The following THSD7B variants were observed in gnomAD, a reference collection of about 807,000 sequenced individuals.
THSD7B encodes the protein thrombospondin type 1 domain containing 7B.
A neutral mutation model predicts 213.6 loss-of-function variants in THSD7B; 138 were observed. The observed-to-expected ratio is 0.65, with a 90% confidence interval of 0.56 to 0.74. The LOEUF (loss-of-function observed/expected upper bound fraction) is 0.74. Among genes scored for constraint, THSD7B ranks in the 30% least tolerant of loss-of-function variants. The pLI is 0.00. For synonymous variants in THSD7B, 742 were observed against 687.0 expected (o/e 1.08, Z -1.25); for missense variants, 1,931 against 1,991.5 (o/e 0.97, Z 0.58).
Position 137,233,076 on chromosome 2 carries a change from T to C in THSD7B, c.2093T>C (p.Ile698Thr). 1 of 1,613,878 alleles carries C rather than the reference T, an allele frequency of 6.2e-7. No homozygotes were observed. The highest frequency in any genetic ancestry group is 8.5e-7 in the Non-Finnish European group (1 of 1,179,820). ...GGAGAAGCCACGTGTGGTGTAGGCA[T>C]TCAGACTCGGAGAGTCTTCTGTGTC... ...WNGEATCGVG[I>T]QTRRVFCVKS... Residue 698 changes from isoleucine (I) to threonine (T), a missense_variant, in exon 9 of 28, where the codon ATT becomes ACT. Ile to Thr is a moderately conservative substitution (Grantham distance 89). Coordinates refer to ENST00000409968, the MANE Select transcript of THSD7B (RefSeq NM_001316349.2).
intron 14 of THSD7B, among the ~76,000 whole-genome samples, chr2:137,426,451 A>G (rs1342658769): frequency 6.6e-6 from 1 of 152,168 alleles, no homozygotes; most frequent in Non-Finnish European, 1.5e-5. Flanking sequence ...TATAGTCATC[A>G]TTAGCAGTAT....
intron 10 of THSD7B, among the ~76,000 whole-genome samples, chr2:137,264,314 G>A (rs978201618): frequency 2.7e-5 from 4 of 150,764 alleles, no homozygotes; most frequent in African/African-American, 4.9e-5. Context: ...GTGCAGTGGC[G>A]CAATTTCAGC....
At chr2:137,031,831 C>CTTTT (rs542117596) in intron 2 of THSD7B, among the ~76,000 whole-genome samples, 1 of 137,166 alleles carries the variant, frequency 7.3e-6, no homozygotes, top group African/African-American at 2.7e-5. Context: ...CTTTTCTTTC[C>CTTTT]TTTTTTTTTT....
chr2:137,228,371 G>A (rs1279948659), intron 7 of THSD7B, among the ~76,000 whole-genome samples: 1 of 152,074 alleles, frequency 6.6e-6, no homozygotes, highest in Non-Finnish European at 1.5e-5. Flanking sequence ...ATTTTAAAAA[G>A]TATTTGAGCA....
chr2:137,633,593 C>A (rs1392752114), intron 20 of THSD7B, among the ~76,000 whole-genome samples: 1 of 152,098 alleles, frequency 6.6e-6, no homozygotes, highest in Non-Finnish European at 1.5e-5. Flanking sequence ...CTACCTGTAT[C>A]ATTTCACAAA....
At chr2:136,800,633 A>G (rs1045454015) in intron 1 of THSD7B, among the ~76,000 whole-genome samples, 3 of 152,084 alleles carry the variant, frequency 2.0e-5, no homozygotes, top group African/African-American at 4.8e-5. Flanking sequence ...GTATTTAGAA[A>G]TAAAATGTTT....
At position 137,214,598 on chromosome 2, in the gene THSD7B, A is replaced by C. The variant is rs1354603289; in HGVS notation, c.1724-16446A>C. On this transcript the variant is annotated intron_variant, in intron 7 of 27. Coordinates refer to ENST00000409968, the MANE Select transcript of THSD7B (RefSeq NM_001316349.2). ...CCCTCCCCTAGCCCCCCACCCCCTG[A>C]CAGGCCCCGGTGTGTGATGTTCCCC... Among the ~76,000 whole-genome samples the C allele has an allele frequency of 2.1e-5, 3 of 145,136 alleles. No homozygotes were observed. In the East Asian group the frequency reaches 6.2e-4, roughly 30 times the overall value.
At chr2:136,837,756 C>T (rs1159407195) in intron 1 of THSD7B, among the ~76,000 whole-genome samples, 1 of 151,978 alleles carries the variant, frequency 6.6e-6, no homozygotes, top group African/African-American at 2.4e-5. Context: ...TCTTTTTTTC[C>T]TTGATATCCT....
At chr2:136,823,441 A>G (rs751433762) in intron 1 of THSD7B, among the ~76,000 whole-genome samples, 30 of 151,664 alleles carry the variant, frequency 2.0e-4, no homozygotes, top group Non-Finnish European at 3.5e-4. Context: ...CGCAAGACGG[A>G]CTCCTTAACA....
intron 7 of THSD7B, among the ~76,000 whole-genome samples, chr2:137,174,047 G>A (rs1048860411): frequency 2.0e-5 from 3 of 152,138 alleles, no homozygotes; most frequent in African/African-American, 7.2e-5. Flanking sequence ...GAATTTAACA[G>A]ATGAGACCAA....
chr2:136,926,356 A>T (rs918685812), intron 2 of THSD7B, among the ~76,000 whole-genome samples: 2 of 151,754 alleles, frequency 1.3e-5, no homozygotes, highest in Admixed American at 6.6e-5. Context: ...AAGTTTACCT[A>T]TGTAACAAAC....
At chr2:137,151,382 G>C (rs1312392088) in intron 5 of THSD7B, among the ~76,000 whole-genome samples, 2 of 151,520 alleles carry the variant, frequency 1.3e-5, no homozygotes, top group African/African-American at 4.9e-5. Context: ...CATTACCCTA[G>C]GCCTACGTAG....
intron 3 of THSD7B, among the ~76,000 whole-genome samples, chr2:137,092,588 G>A (rs536467888): frequency 1.5e-4 from 23 of 151,924 alleles, no homozygotes; most frequent in Middle Eastern, 3.4e-3. Context: ...ATAAATGATC[G>A]CTCCCCCATT....
At chr2:137,542,165 C>T (rs1282616585) in intron 15 of THSD7B, among the ~76,000 whole-genome samples, 4 of 151,448 alleles carry the variant, frequency 2.6e-5, no homozygotes, top group Non-Finnish European at 5.9e-5. Context: ...TAATAAAAAC[C>T]GTCAAAGCCA....
chr2:136,789,850 A>T (rs1472604781), intron 1 of THSD7B, among the ~76,000 whole-genome samples: 1 of 152,128 alleles, frequency 6.6e-6, no homozygotes, highest in Non-Finnish European at 1.5e-5. Flanking sequence ...CTCTTTGTGG[A>T]GGGGCTAGTT....
intron 17 of THSD7B, among the ~76,000 whole-genome samples, chr2:137,598,512 G>A (rs200750303): frequency 0.012 from 1,867 of 152,204 alleles, 51 homozygotes; most frequent in African/African-American, 0.041. Flanking sequence ...ACACTGGCTT[G>A]TACAGTAAGT....
chr2:137,590,806 T>TTTTTTTTTTTTTTTTTTTG (rs1681849234), intron 17 of THSD7B, among the ~76,000 whole-genome samples: 1 of 147,104 alleles, frequency 6.8e-6, no homozygotes, highest in South Asian at 2.2e-4. Context: ...TTTTTTTTTT[T>TTTTTTTTTTTTTTTTTTTG]TTTTTTTAGC....
intron 1 of THSD7B, among the ~76,000 whole-genome samples, chr2:136,839,289 G>A (rs1464761799): frequency 6.6e-6 from 1 of 152,132 alleles, no homozygotes; most frequent in Non-Finnish European, 1.5e-5. Flanking sequence ...TCTAACTCAT[G>A]TTTCTCCCTT....
chr2:137,167,855 A>G (rs1680167894), intron 6 of THSD7B, among the ~76,000 whole-genome samples: 1 of 152,190 alleles, frequency 6.6e-6, no homozygotes, highest in South Asian at 2.1e-4. Flanking sequence ...ACCTTCAACT[A>G]AACCACGGTG....
Sources: allele counts gnomAD v4.1 joint callset (sites outside exome capture counted in the v4.1 genomes callset), GRCh38; gene constraint gnomAD v4.1.1; transcripts MANE v1.5; gene names NCBI Gene and HGNC (gene_info 2026-07-23, HGNC 2026-07-21).